The following PRDM11 variants were observed in gnomAD, a reference collection of about 807,000 sequenced individuals.
The protein encoded by PRDM11 is PR domain-containing protein 11.
A neutral mutation model predicts 97.8 loss-of-function variants in PRDM11; 20 were observed. The observed-to-expected ratio is 0.20, with a 90% CI of 0.14 to 0.30. The LOEUF is 0.30. Among genes scored for constraint, PRDM11 ranks in the 10% least tolerant of loss-of-function variants. PRDM11 has a pLI of 1.00. For missense variants in PRDM11, 1,139 were observed against 1,555.2 expected (o/e 0.73, Z 4.50); for synonymous variants, 599 against 637.7 (o/e 0.94, Z 0.91).
At chr11:45,212,363 A>AG (rs1853776483) in intron 5 of PRDM11, 1 of 338,022 alleles carries the variant, frequency 3.0e-6, no homozygotes, top group Non-Finnish European at 5.9e-6. Flanking sequence ...GCAGGGTGGC[A>AG]GGGCAGGGGG....
At chr11:45,153,213 A>G (rs2135688434) in intron 1 of PRDM11, among the ~76,000 whole-genome samples, 1 of 152,326 alleles carries the variant, frequency 6.6e-6, no homozygotes, top group South Asian at 2.1e-4. Context: ...CGCAGATAAA[A>G]TCCAGCAAAG....
chr11:45,122,670 C>T (rs1396563489), intron 1 of PRDM11, among the ~76,000 whole-genome samples: 1 of 152,086 alleles, frequency 6.6e-6, no homozygotes, highest in African/African-American at 2.4e-5. Flanking sequence ...AGGACATGAA[C>T]TCCTCATTTT....
chr11:45,160,036 C>T (rs1851893239), intron 1 of PRDM11, among the ~76,000 whole-genome samples: 1 of 152,224 alleles, frequency 6.6e-6, no homozygotes, highest in African/African-American at 2.4e-5. Flanking sequence ...CAGCCTCTCC[C>T]TTCTGCAGGG....
At chr11:45,205,193 G>C (rs1286042381) in intron 5 of PRDM11, among the ~76,000 whole-genome samples, 1 of 152,174 alleles carries the variant, frequency 6.6e-6, no homozygotes, top group African/African-American at 2.4e-5. Context: ...ATGGAAGAAA[G>C]GGCTCTGACA....
At chr11:45,207,921 C>A (rs1487220918) in intron 5 of PRDM11, among the ~76,000 whole-genome samples, 1 of 152,204 alleles carries the variant, frequency 6.6e-6, no homozygotes, top group East Asian at 1.9e-4. Flanking sequence ...CTCATGTCCT[C>A]TCTTGGGTGG....
chr11:45,121,971 T>G (rs376831608), intron 1 of PRDM11, among the ~76,000 whole-genome samples: 15 of 151,698 alleles, frequency 9.9e-5, no homozygotes, highest in Admixed American at 8.5e-4. Context: ...GAAAAAGATA[T>G]ACGGAAAATT....
At chr11:45,204,803 C>T (rs767892912) in intron 5 of PRDM11, 25 bp downstream of exon 5, 200 of 1,592,154 alleles carry the variant, frequency 1.3e-4, no homozygotes, top group Non-Finnish European at 1.3e-4. Context: ...GCTGATGTCC[C>T]GGGGGTCTTG....
intron 1 of PRDM11, among the ~76,000 whole-genome samples, chr11:45,110,760 C>T (rs1239872546): frequency 2.0e-5 from 3 of 152,190 alleles, no homozygotes; most frequent in African/African-American, 7.2e-5. Context: ...CATTCCCTCA[C>T]CCATTTGTAA....
At chr11:45,201,909 C>T (rs973312127) in intron 4 of PRDM11, among the ~76,000 whole-genome samples, 1 of 152,044 alleles carries the variant, frequency 6.6e-6, no homozygotes, top group Non-Finnish European at 1.5e-5. Context: ...GGAGGCGGAG[C>T]TTGCAGTGAG....
chr11:45,205,118 G>A (rs1853462102), intron 5 of PRDM11, among the ~76,000 whole-genome samples: 1 of 152,214 alleles, frequency 6.6e-6, no homozygotes. Context: ...CCTCAGAGCA[G>A]GCTCCTGCAG....
At chr11:45,097,431 A>G (rs1187723791) in intron 1 of PRDM11, among the ~76,000 whole-genome samples, 4 of 152,162 alleles carry the variant, frequency 2.6e-5, no homozygotes, top group African/African-American at 4.8e-5. Context: ...ATTTACCTAC[A>G]TTGTCTAATT....
Position 45,119,619 on chromosome 11 carries a change from CAAAAAAAAAAAAAAA to C in PRDM11, c.96+23734_96+23748del, listed in dbSNP as rs56367204. On this transcript the variant is annotated intron_variant, in intron 1 of 6. Coordinates refer to the PRDM11 transcript ENST00000530656. ...CCTGGGTGACAGCGAGATTCTGTCTCAAAAAAAAAAAAAAAAAAAAAAAAAAAAAACACCTGGTAA... is the reference window on the plus strand; with the variant it reads ...CCTGGGTGACAGCGAGATTCTGTCTCAAAAAAAAAAAAAAACACCTGGTAA... Among the ~76,000 whole-genome samples, 13 of 43,062 alleles carry C rather than the reference CAAAAAAAAAAAAAAA, an allele frequency of 3.0e-4. No individual in the cohort carries two copies. The East Asian group carries it at 0.014, about 45-fold the overall frequency. The allele number at this position is 43,062 out of a possible 152,430, so 28.3% of individuals were successfully genotyped here. A position where few individuals can be genotyped will look rare whatever the true frequency, so the allele number is the denominator to read the frequency against.
At position 45,227,850 on chromosome 11, in the gene PRDM11, C is replaced by A; in HGVS notation, c.3225C>A (p.Ile1075=). Residue 1075 remains isoleucine, a synonymous_variant, in exon 8 of 8, where the codon ATC becomes ATA. Transcript: ENST00000683152. The surrounding 1 kb of genome is among the most constrained non-coding windows in gnomAD (Gnocchi z 8.0). ...KQRFPLLNKI[I]QVLKVLPTST... ...GGTTTCCACTCTTGAACAAGATCAT[C>A]CAGGTTCTTAAAGTCCTCCCCACTT... 6.5e-7 allele frequency: 1 copy of A among 1,533,970 alleles called. No homozygotes were observed. Among genetic ancestry groups the A allele is most frequent in the Non-Finnish European group, 8.7e-7 (1 of 1,146,740 alleles).
In PRDM11 at chr11:45,228,186, G is replaced by A; in HGVS notation, c.*27G>A. 1 of 1,443,836 alleles carries A rather than the reference G, an allele frequency of 6.9e-7. No individual in the cohort carries two copies. Among genetic ancestry groups the A allele is most frequent in the Non-Finnish European group, 9.0e-7 (1 of 1,105,274 alleles). The allele number at this position is 1,443,836 out of a possible 1,614,324, so 89.4% of individuals were successfully genotyped here. A position where few individuals can be genotyped will look rare whatever the true frequency, so the allele number is the denominator to read the frequency against. ...GAGCTGGCGCTGCAGAGTTCACTAA[G>A]CTGTTGAATATTTTTTTAATCTATA... is the stretch of plus-strand genomic sequence containing the variant. On this transcript the variant is annotated 3_prime_UTR_variant, in exon 8 of 8. Transcript: ENST00000683152.
At chr11:45,108,071 C>T (rs531064446) in intron 1 of PRDM11, among the ~76,000 whole-genome samples, 2 of 152,264 alleles carry the variant, frequency 1.3e-5, no homozygotes, top group Admixed American at 1.3e-4. Context: ...GTCTCAAACT[C>T]CTGGCCTTGG....
intron 4 of PRDM11, among the ~76,000 whole-genome samples, chr11:45,192,068 C>T (rs947494881): frequency 2.0e-5 from 3 of 151,952 alleles, no homozygotes; most frequent in East Asian, 1.9e-4. Flanking sequence ...TCTCATTAGC[C>T]GAACTAGGTT....
At chr11:45,165,510 A>C (rs1852041957) in intron 1 of PRDM11, among the ~76,000 whole-genome samples, 1 of 152,144 alleles carries the variant, frequency 6.6e-6, no homozygotes, top group Non-Finnish European at 1.5e-5. Flanking sequence ...CAGGCCGCAC[A>C]CTCAGATGCC....
rs1027188844 is a variant in PRDM11, at chr11:45,228,053, A to G, written c.3428A>G (p.Asn1143Ser). 3.2e-5 allele frequency: 49 copies of G among 1,533,684 alleles called. No homozygotes were observed. Among genetic ancestry groups the G allele is most frequent in the African/African-American group, 5.5e-5 (4 of 72,912 alleles). ...AGCTGGTTTGAGGAGAAGTCTGGGA[A>G]CAGTTACGCGCTGTCTGCAGAAGTC... Reference protein sequence around the residue: ...LDSWFEEKSGNSYALSAEVLS... With the variant: ...LDSWFEEKSGSSYALSAEVLS... Residue 1143 changes from asparagine (N) to serine (S), a missense_variant, in exon 8 of 8, where the codon AAC (asparagine) becomes AGC (serine). Asn to Ser is a conservative substitution (Grantham distance 46). Around this residue, in one of 2 missense-constraint regions of PRDM11, gnomAD observed 710 missense variants for 1,044.9 expected, o/e 0.68. Transcript: ENST00000683152.
In PRDM11 at chr11:45,218,093, A is replaced by G. The variant is rs114682745; in HGVS notation, c.555-1477A>G. 3.8e-3 allele frequency among the ~76,000 whole-genome samples: 574 copies of G among 152,300 alleles called. 4 individuals are homozygous for G. The highest frequency in any genetic ancestry group is 0.013 in the African/African-American group (552 of 41,564). ...AAAGATTCTTTGAAAACATTTTTCT[A>G]TAGATGAATAGCATTCCATTATATA... On this transcript the variant is annotated intron_variant, in intron 5 of 7. Transcript: ENST00000683152.
Sources: allele counts gnomAD v4.1 joint callset (sites outside exome capture counted in the v4.1 genomes callset), GRCh38; gene constraint gnomAD v4.1.1; regional missense constraint gnomAD v4.1.1; non-coding constraint Gnocchi (gnomAD v3.1); transcripts MANE v1.5; gene names NCBI Gene and HGNC (gene_info 2026-07-23, HGNC 2026-07-21).